CFAP54: variants seen among roughly 807,000 people sequenced by gnomAD.
CFAP54 encodes the protein cilia- and flagella-associated protein 54.
A neutral mutation model predicts 370.4 loss-of-function variants in CFAP54; 290 were observed. The observed-to-expected ratio is 0.78, with a 90% CI of 0.71 to 0.86. CFAP54 has a LOEUF of 0.86. Among genes scored for constraint, CFAP54 ranks in the 40% least tolerant of loss-of-function variants. The pLI is 0.00. For synonymous variants in CFAP54, 1,206 were observed against 1,236.5 expected (o/e 0.98, Z 0.52); for missense variants, 3,399 against 3,528.7 (o/e 0.96, Z 0.93).
chr12:96,801,609 T>G (rs1470818181), intron 63 of CFAP54, among the ~76,000 whole-genome samples: 1 of 152,228 alleles, frequency 6.6e-6, no homozygotes, highest in African/African-American at 2.4e-5. Flanking sequence ...ACCTTAGGAC[T>G]TTTAGCTTTA....
At chr12:96,831,344 T>A (rs1959170614) in intron 66 of CFAP54, among the ~76,000 whole-genome samples, 1 of 152,230 alleles carries the variant, frequency 6.6e-6, no homozygotes, top group South Asian at 2.1e-4. Flanking sequence ...ATGTTAGAGT[T>A]GGGGTCAGCA....
At chr12:96,837,206 A>G (rs1959188948) in intron 66 of CFAP54, among the ~76,000 whole-genome samples, 1 of 152,186 alleles carries the variant, frequency 6.6e-6, no homozygotes, top group Non-Finnish European at 1.5e-5. Flanking sequence ...TAGTAAGTTA[A>G]CATACTTTAT....
chr12:96,528,870 AT>A (rs1373284305), intron 9 of CFAP54, among the ~76,000 whole-genome samples: 1 of 152,106 alleles, frequency 6.6e-6, no homozygotes, highest in South Asian at 2.1e-4. Context: ...AGCTTAGATC[AT>A]TGATTTTTAG....
intron 63 of CFAP54, among the ~76,000 whole-genome samples, chr12:96,794,561 T>C (rs1958737948): frequency 6.6e-6 from 1 of 152,158 alleles, no homozygotes; most frequent in African/African-American, 2.4e-5. Flanking sequence ...TGCATTTCTT[T>C]AAGTGTGTCC....
chr12:96,765,125 A>G lies in CFAP54; in HGVS notation c.8188A>G (p.Thr2730Ala), dbSNP rs1958387126. 2 of 1,528,940 alleles carry G rather than the reference A, an allele frequency of 1.3e-6. No individual in the cohort carries two copies. The highest frequency in any genetic ancestry group is 2.7e-5 in the African/African-American group (2 of 74,272). 94.7% of individuals were successfully genotyped at this position (1,528,940 alleles called of 1,614,324 possible). A position where few individuals can be genotyped will look rare whatever the true frequency, so the allele number is the denominator to read the frequency against. ...AINLLIGKKN[T>A]RMHKVNQVAL... The stretch of plus-strand genomic sequence containing the variant: ...TAACTTACTTATTGGAAAGAAGAAT[A>G]CTAGAATGCATAAAGTTAACCAAGT... The change falls in exon 60 of 68, where the codon ACT (threonine) becomes GCT (alanine). Residue 2730 changes from threonine to alanine, a missense_variant. Coordinates refer to ENST00000524981, the MANE Select transcript of CFAP54 (RefSeq NM_001306084.2).
At chr12:96,838,664 C>T (rs891189207) in intron 66 of CFAP54, among the ~76,000 whole-genome samples, 3 of 152,122 alleles carry the variant, frequency 2.0e-5, no homozygotes, top group African/African-American at 4.8e-5. Flanking sequence ...CTATCACCTC[C>T]CACTAGATTC....
At chr12:96,808,914 G>A (rs1457532262) in intron 63 of CFAP54, among the ~76,000 whole-genome samples, 8 of 152,058 alleles carry the variant, frequency 5.3e-5, no homozygotes, top group Admixed American at 3.9e-4. Context: ...TTACCCAGGA[G>A]GTAAAAAGAC....
chr12:96,630,579 G>GT lies in CFAP54; in HGVS notation c.4245dup (p.Lys1416Ter). ...GCAGAAATGCAACAAAGAATAAGAA[G>GT]TAAAAAAAAGGAAACTCTAAGAGAT... On this transcript the variant is annotated frameshift_variant, in exon 32 of 68. Coordinates refer to ENST00000524981, the MANE Select transcript of CFAP54 (RefSeq NM_001306084.2). LOFTEE classifies it high-confidence loss of function. 3.4e-6 allele frequency: 5 copies of GT among 1,486,124 alleles called. No individual in the cohort carries two copies. Among genetic ancestry groups the GT allele is most frequent in the Non-Finnish European group, 4.5e-6 (5 of 1,122,522 alleles). The allele number at this position is 1,486,124 out of a possible 1,614,324, so 92.1% of individuals were successfully genotyped here. A position where few individuals can be genotyped will look rare whatever the true frequency, so the allele number is the denominator to read the frequency against.
chr12:96,706,780 G>A (rs1290349899), intron 47 of CFAP54, among the ~76,000 whole-genome samples: 2 of 150,084 alleles, frequency 1.3e-5, no homozygotes. Flanking sequence ...CACTTACATT[G>A]TGTGTGTATG....
chr12:96,781,726 A>T (rs954732072), intron 60 of CFAP54, among the ~76,000 whole-genome samples: 1 of 152,162 alleles, frequency 6.6e-6, no homozygotes, highest in African/African-American at 2.4e-5. Context: ...GGGGAACTAA[A>T]AATGGTGATA....
chr12:96,825,705 A>G (rs1488289593), intron 65 of CFAP54, among the ~76,000 whole-genome samples: 6 of 124,124 alleles, frequency 4.8e-5, no homozygotes, highest in Non-Finnish European at 7.8e-5. Flanking sequence ...TATATTATAT[A>G]TTAATTAGAT....
At chr12:96,848,732 A>G (rs181130973) in intron 66 of CFAP54, among the ~76,000 whole-genome samples, 116 of 152,376 alleles carry the variant, frequency 7.6e-4, no homozygotes, top group African/African-American at 2.6e-3. Flanking sequence ...TGTCTCACCA[A>G]TATAACCATT....
Position 96,533,949 on chromosome 12 carries a change from T to C in CFAP54, c.1515T>C (p.Ala505=). The C allele has an allele frequency of 6.6e-7, 1 of 1,520,946 alleles. No homozygotes were observed. Among genetic ancestry groups the C allele is most frequent in the South Asian group, 1.3e-5 (1 of 79,928 alleles). The allele number at this position is 1,520,946 out of a possible 1,614,324, so 94.2% of individuals were successfully genotyped here. Residue 505 remains alanine, a synonymous_variant, in exon 10 of 68, where the codon GCT becomes GCC. Transcript: ENST00000524981. ...AGTGGAGTTTATTTGAATCTTCTGC[T>C]GTACATCTTATTTATTTTCTCCAGG... ...YEEWSLFESS[A]VHLIYFLQRQ...
At chr12:96,494,352 A>G (rs181625959) in intron 1 of CFAP54, among the ~76,000 whole-genome samples, 188 of 152,158 alleles carry the variant, frequency 1.2e-3, no homozygotes, top group African/African-American at 4.1e-3. Flanking sequence ...CAAGGCTGGA[A>G]TGCAGTGGTG....
chr12:96,806,227 AAAG>A (rs1169016572), intron 63 of CFAP54, among the ~76,000 whole-genome samples: 1 of 129,004 alleles, frequency 7.8e-6, no homozygotes, highest in Non-Finnish European at 1.7e-5. Flanking sequence ...AACAACATAA[AAAG>A]AAAGTTGGAA....
intron 42 of CFAP54, among the ~76,000 whole-genome samples, chr12:96,685,815 G>A (rs532565922): frequency 6.6e-6 from 1 of 152,294 alleles, no homozygotes; most frequent in South Asian, 2.1e-4. Context: ...GCTTCCCAAA[G>A]TGCTGGGATT....
intron 17 of CFAP54, among the ~76,000 whole-genome samples, chr12:96,563,354 T>A (rs940664574): frequency 1.3e-5 from 2 of 152,208 alleles, no homozygotes; most frequent in African/African-American, 4.8e-5. Flanking sequence ...TTGTCTTTCT[T>A]TAGCATGCTG....
intron 36 of CFAP54, among the ~76,000 whole-genome samples, chr12:96,654,268 G>A (rs995000787): frequency 3.3e-5 from 5 of 152,180 alleles, no homozygotes; most frequent in African/African-American, 1.2e-4. Flanking sequence ...TTGGGAGGCC[G>A]AGGCGGGCGG....
rs1371795038 is a variant in CFAP54 at position 96,576,769 on chromosome 12, G to A, written c.2796+8G>A. ...TTTACTTCAGAGGTTAAGGTATGGT[G>A]TCCAGTAAAATTTTTGCCTCATGCA... On this transcript the variant is annotated splice_region_variant and intron_variant, in intron 20 of 67. Coordinates refer to ENST00000524981, the MANE Select transcript of CFAP54 (RefSeq NM_001306084.2). 6 of 1,520,608 alleles carry A rather than the reference G, an allele frequency of 3.9e-6. 1 individual carries two copies. Among genetic ancestry groups the A allele is most frequent in the Non-Finnish European group, 5.3e-6 (6 of 1,141,388 alleles). The allele number at this position is 1,520,608 out of a possible 1,614,324, so 94.2% of individuals were successfully genotyped here.
Sources: allele counts gnomAD v4.1 joint callset (sites outside exome capture counted in the v4.1 genomes callset), GRCh38; gene constraint gnomAD v4.1.1; transcripts MANE v1.5; gene names NCBI Gene and HGNC (gene_info 2026-07-23, HGNC 2026-07-21).